The following CUX1 variants were observed in gnomAD, a reference collection of about 807,000 sequenced individuals.
CUX1 encodes cut like homeobox 1, also known as protein CASP.
CUX1 carries 31 observed loss-of-function variants against 158.8 expected under a neutral mutation model. That is an observed-to-expected ratio of 0.20 (90% CI 0.15 to 0.26). CUX1 has a LOEUF of 0.26. Among genes scored for constraint, CUX1 ranks in the 10% least tolerant of loss-of-function variants. The pLI, the probability that CUX1 is intolerant of heterozygous loss-of-function variation, is 1.00. For missense variants in CUX1, 1,589 were observed against 2,014.6 expected (o/e 0.79, Z 4.04); for synonymous variants, 879 against 862.1 (o/e 1.02, Z -0.34).
At chr7:102,097,603 T>C in intron 5 of CUX1, 102 bp downstream of exon 5, 2 of 1,214,594 alleles carry the variant, frequency 1.6e-6, no homozygotes, top group Non-Finnish European at 2.3e-6. Context: ...GCTCTCCTTG[T>C]AATATACACG....
intron 9 of CUX1, among the ~76,000 whole-genome samples, chr7:102,161,746 G>A (rs186246915): frequency 2.0e-5 from 3 of 152,218 alleles, no homozygotes; most frequent in Admixed American, 1.3e-4. Flanking sequence ...AAGTAGCTGG[G>A]ATTATAGGCG....
At chr7:101,998,282 C>T (rs190369006) in intron 2 of CUX1, among the ~76,000 whole-genome samples, 42 of 152,256 alleles carry the variant, frequency 2.8e-4, no homozygotes, top group African/African-American at 7.0e-4. Context: ...TAGGGCTGTG[C>T]GTGGGCTGCA....
intron 2 of CUX1, among the ~76,000 whole-genome samples, chr7:101,973,513 G>C (rs1049052731): frequency 1.3e-5 from 2 of 152,106 alleles, no homozygotes; most frequent in African/African-American, 4.8e-5. Flanking sequence ...TGCATACAGG[G>C]AAAGTTATGC....
chr7:102,240,820 T>TTTG (rs1209777227), intron 23 of CUX1, among the ~76,000 whole-genome samples: 3 of 152,146 alleles, frequency 2.0e-5, no homozygotes, highest in East Asian at 1.9e-4. Flanking sequence ...TCATTCCTTT[T>TTTG]TTGTTGTTGT....
At chr7:102,004,174 C>A (rs1484705750) in intron 2 of CUX1, among the ~76,000 whole-genome samples, 3 of 152,154 alleles carry the variant, frequency 2.0e-5, no homozygotes, top group Non-Finnish European at 2.9e-5. Context: ...TGATATCCTG[C>A]CCCAGAGCCC....
At position 102,197,084 on chromosome 7, in the gene CUX1, G is replaced by A. The variant is rs868942566; in HGVS notation, c.1673G>A (p.Arg558Gln). 2 of 1,614,124 alleles carry A rather than the reference G, an allele frequency of 1.2e-6. No homozygotes were observed. The highest frequency in any genetic ancestry group is 1.1e-5 in the South Asian group (1 of 91,086). ...GAGATGGACACTGCAGAAATCGCCC[G>A]GCAGGTCAAAGAGCAGCTGATTAAG... ...GEEMDTAEIA[R>Q]QVKEQLIKHN... The change falls in exon 15 of 24, where the codon CGG becomes CAG. Residue 558 changes from arginine (R) to glutamine (Q), a missense_variant. By Grantham distance (43) the Arg-to-Gln change is conservative. Around this residue, in one of 8 missense-constraint regions of CUX1, gnomAD observed 37 missense variants for 124.9 expected, o/e 0.30. Coordinates refer to ENST00000292535, the MANE Select transcript of CUX1 (RefSeq NM_181552.4).
intron 8 of CUX1, among the ~76,000 whole-genome samples, chr7:102,139,982 A>G (rs1420919043): frequency 2.6e-5 from 4 of 152,280 alleles, no homozygotes; most frequent in African/African-American, 7.2e-5. Context: ...AACAAATTCT[A>G]TAACCAAACC....
chr7:102,108,934 T>C (rs1830635938), intron 6 of CUX1, among the ~76,000 whole-genome samples: 1 of 152,142 alleles, frequency 6.6e-6, no homozygotes, highest in East Asian at 1.9e-4. Context: ...TTTATATTTT[T>C]AGTAGAACAG....
intron 1 of CUX1, among the ~76,000 whole-genome samples, chr7:101,831,592 G>A (rs1002955639): frequency 2.7e-5 from 4 of 150,774 alleles, no homozygotes; most frequent in Non-Finnish European, 5.9e-5. Flanking sequence ...ATGCCTGGCC[G>A]GAACTGACAT....
chr7:101,935,702 T>C (rs1338171055), intron 2 of CUX1, among the ~76,000 whole-genome samples: 1 of 152,060 alleles, frequency 6.6e-6, no homozygotes, highest in Non-Finnish European at 1.5e-5. Flanking sequence ...GGTGTGGCAA[T>C]GGTGTGGGGC....
downstream of CUX1, among the ~76,000 whole-genome samples, chr7:102,260,908 T>G (rs1334908727): frequency 6.6e-6 from 1 of 152,216 alleles, no homozygotes; most frequent in Non-Finnish European, 1.5e-5. Flanking sequence ...CATGCCAGCT[T>G]TGGGGGCACA....
rs1205399784 is a variant in CUX1 at position 102,251,915 on chromosome 7, AG to A, written c.*2874del. The A allele has an allele frequency of 1.0e-6, 1 of 985,440 alleles. No individual in the cohort carries two copies. Among genetic ancestry groups the A allele is most frequent in the African/African-American group, 1.7e-5 (1 of 57,368 alleles). The allele number at this position is 985,440 out of a possible 1,614,324, so 61.0% of individuals were successfully genotyped here. ...TCCATTCTAGTGGCCAAACAGTAACAGTCTAAAATGCAGTCATTTTGACCCT... is the reference window on the plus strand; with the variant it reads ...TCCATTCTAGTGGCCAAACAGTAACATCTAAAATGCAGTCATTTTGACCCT... On this transcript the variant is annotated 3_prime_UTR_variant, in exon 24 of 24. Coordinates refer to ENST00000292535, the MANE Select transcript of CUX1 (RefSeq NM_181552.4).
rs1261658921 is a variant in CUX1, at chr7:102,189,366, G to A, written c.1018-447G>A. Among the ~76,000 whole-genome samples the A allele has an allele frequency of 4.5e-3, 269 of 59,262 alleles. 3 individuals are homozygous for A. Among genetic ancestry groups the A allele is most frequent in the African/African-American group, 0.015 (250 of 16,974 alleles). The allele number at this position is 59,262 out of a possible 152,430, so 38.9% of individuals were successfully genotyped here. On this transcript the variant is annotated intron_variant, in intron 11 of 23. Transcript: ENST00000292535. ...ATTCTTCCTTCTTTTTTTTGGGTGC[G>A]GGGGGGGATGCTTTTTTTTTTTTTT...
intron 1 of CUX1, among the ~76,000 whole-genome samples, chr7:101,844,197 C>T (rs541837752): frequency 1.3e-3 from 202 of 150,368 alleles, no homozygotes; most frequent in Non-Finnish European, 2.3e-3. Context: ...CCCGCCCCCG[C>T]CCCCAACCCC....
intron 22 of CUX1, among the ~76,000 whole-genome samples, chr7:102,236,644 A>G (rs1203252236): frequency 6.6e-6 from 1 of 152,084 alleles, no homozygotes; most frequent in Non-Finnish European, 1.5e-5. Flanking sequence ...CATGAACCCA[A>G]TAGATCTGTG....
intron 8 of CUX1, among the ~76,000 whole-genome samples, chr7:102,134,128 G>A (rs1223192996): frequency 2.0e-5 from 3 of 152,178 alleles, no homozygotes; most frequent in East Asian, 1.9e-4. Flanking sequence ...TTGAGGTCAG[G>A]TGTTCGAGGC....
At chr7:101,899,617 C>T (rs1051812546) in intron 1 of CUX1, among the ~76,000 whole-genome samples, 1 of 152,156 alleles carries the variant, frequency 6.6e-6, no homozygotes, top group African/African-American at 2.4e-5. Flanking sequence ...GAGAGATGTC[C>T]TTCCTGGGCC....
intron 8 of CUX1, among the ~76,000 whole-genome samples, chr7:102,139,817 A>AT (rs3216524): frequency 0.069 from 10,142 of 146,964 alleles, 471 homozygotes; most frequent in African/African-American, 0.13. Flanking sequence ...ACACCCAGCT[A>AT]TTTTTTTTTT....
At position 102,254,279 on chromosome 7, in the gene CUX1, C is replaced by T; in HGVS notation, c.*5237C>T. 1.0e-6 allele frequency: 1 copy of T among 985,478 alleles called. No individual in the cohort carries two copies. The highest frequency in any genetic ancestry group is 1.7e-5 in the African/African-American group (1 of 57,350). The allele number at this position is 985,478 out of a possible 1,614,324, so 61.0% of individuals were successfully genotyped here. ...TGTTAAGATCCATCATGGCCATTAT[C>T]CTTGTCCCGGACTGCCCCAAAGTTC... On this transcript the variant is annotated 3_prime_UTR_variant, in exon 24 of 24. Transcript: ENST00000292535.
Sources: gnomAD v4.1 joint callset for allele counts (sites outside exome capture counted in the v4.1 genomes callset) on GRCh38, gnomAD v4.1.1 for gene constraint, gnomAD v4.1.1 regional missense constraint, MANE v1.5 for transcripts, NCBI Gene and HGNC (gene_info 2026-07-23, HGNC 2026-07-21) for gene names.